Variants in LSAMP observed in about 807,000 individuals in gnomAD.
The protein encoded by LSAMP is limbic system-associated membrane protein.
In LSAMP, 7 loss-of-function variants were observed where a neutral mutation model predicts 38.6. The ratio of observed to expected loss-of-function variants is 0.18; its 90% CI spans 0.10 to 0.34. The LOEUF is 0.34. Ranked by LOEUF, LSAMP falls within the 10% of genes least tolerant of loss-of-function variation. The probability of loss-of-function intolerance (pLI) is 1.00; values close to 1 mark genes in which losing one functional copy is unlikely to be tolerated. For synonymous variants in LSAMP, 154 were observed against 166.8 expected, an observed-to-expected ratio of 0.92 and a Z score of 0.59; for missense variants, 313 against 420.0, an observed-to-expected ratio of 0.75 and a Z score of 2.23.
At chr3:116,314,233 C>T (rs2107720933) in intron 1 of LSAMP, among the ~76,000 whole-genome samples, 1 of 152,256 alleles carries the variant, frequency 6.6e-6, no homozygotes, top group South Asian at 2.1e-4. Context: ...ATTATATAAC[C>T]TGGATAATTT....
chr3:116,197,157 ACACACACT>A (rs1710905070), intron 1 of LSAMP, among the ~76,000 whole-genome samples: 3 of 150,528 alleles, frequency 2.0e-5, no homozygotes, highest in African/African-American at 2.5e-5. Context: ...ACACACACAC[ACACACACT>A]CTCTCTCTCT....
intron 3 of LSAMP, among the ~76,000 whole-genome samples, chr3:115,892,375 C>T (rs961640607): frequency 2.0e-5 from 3 of 151,966 alleles, no homozygotes; most frequent in African/African-American, 7.2e-5. Context: ...AGAATAGACT[C>T]TAAACATTGT....
rs906828137 is a variant in LSAMP at position 116,392,621 on chromosome 3, G to A, written c.155+52256C>T. Among the ~76,000 whole-genome samples, 22 of 152,218 alleles carry A rather than the reference G, an allele frequency of 1.4e-4. 1 individual carries two copies. Among genetic ancestry groups the A allele is most frequent in the African/African-American group, 4.6e-4 (19 of 41,462 alleles). On this transcript the variant is annotated intron_variant, in intron 1 of 6. Transcript: ENST00000490035. ...CAAGCAAGCTCCTGGGTGGAACCAGGTGGGTCCCTGGTGAAGCTCCACCTT... is the reference window on the plus strand; with the variant it reads ...CAAGCAAGCTCCTGGGTGGAACCAGATGGGTCCCTGGTGAAGCTCCACCTT...
chr3:115,958,305 A>G (rs1451627256), intron 3 of LSAMP, among the ~76,000 whole-genome samples: 3 of 152,242 alleles, frequency 2.0e-5, no homozygotes, highest in Non-Finnish European at 4.4e-5. Context: ...TAATTTTGAC[A>G]AATTTTCCAA....
At chr3:116,272,780 C>T (rs1395044378) in intron 1 of LSAMP, among the ~76,000 whole-genome samples, 2 of 152,054 alleles carry the variant, frequency 1.3e-5, no homozygotes, top group Non-Finnish European at 2.9e-5. Context: ...AAGTAAGTGG[C>T]AGAAAAGACT....
At chr3:116,309,673 A>G (rs762209027) in intron 1 of LSAMP, among the ~76,000 whole-genome samples, 2 of 152,056 alleles carry the variant, frequency 1.3e-5, no homozygotes, top group Admixed American at 1.3e-4. Context: ...GTGAAAGACA[A>G]CTCCACACAA....
intron 2 of LSAMP, among the ~76,000 whole-genome samples, chr3:116,045,846 A>T (rs13324008): frequency 0.022 from 3,398 of 152,324 alleles, 111 homozygotes; most frequent in African/African-American, 0.074. Context: ...ACTTTGCCCC[A>T]AAGAGATCAA....
chr3:116,090,588 G>A (rs1708099542), intron 1 of LSAMP, among the ~76,000 whole-genome samples: 1 of 152,184 alleles, frequency 6.6e-6, no homozygotes, highest in Non-Finnish European at 1.5e-5. Context: ...TGTTTCGGGG[G>A]ACCTGCCCCG....
At position 116,226,748 on chromosome 3, in the gene LSAMP, C is replaced by T. The variant is rs373012502; in HGVS notation, c.156-140192G>A. Reference sequence around the variant, plus strand: ...TTGTGTGTGTCGTGTAGACACGTCACAGTTAGGCTTCATAAAGTGCATGGC... The same window carrying T: ...TTGTGTGTGTCGTGTAGACACGTCATAGTTAGGCTTCATAAAGTGCATGGC... On this transcript the variant is annotated intron_variant, in intron 1 of 6. Coordinates refer to ENST00000490035, the MANE Select transcript of LSAMP (RefSeq NM_002338.5). Among the ~76,000 whole-genome samples, 8 of 152,304 alleles carry T rather than the reference C, an allele frequency of 5.3e-5. No individual in the cohort carries two copies. In the East Asian group the frequency reaches 1.4e-3, roughly 26 times the overall value.
Position 115,808,066 on chromosome 3 carries a change from C to T in LSAMP, c.*2251G>A, listed in dbSNP as rs900818701. The stretch of plus-strand genomic sequence containing the variant: ...AATGCTACTTAGATCTTTCTCCCTC[C>T]TGCCTTCCTTTCCTTTCTCCTTCCT... On this transcript the variant is annotated 3_prime_UTR_variant, in exon 7 of 7. Coordinates refer to ENST00000490035, the MANE Select transcript of LSAMP (RefSeq NM_002338.5). 2 of 150,152 alleles carry T rather than the reference C, an allele frequency of 1.3e-5. No individual in the cohort carries two copies. Among genetic ancestry groups the T allele is most frequent in the Non-Finnish European group, 3.0e-5 (2 of 67,560 alleles). 9.3% of individuals were successfully genotyped at this position (150,152 alleles called of 1,614,324 possible).
chr3:116,296,253 G>A (rs147006159), intron 1 of LSAMP, among the ~76,000 whole-genome samples: 13 of 152,188 alleles, frequency 8.5e-5, no homozygotes, highest in African/African-American at 3.1e-4. Context: ...AACCCCAAAG[G>A]CTTTATTTTA....
chr3:116,195,747 C>A (rs1388378142), intron 1 of LSAMP, among the ~76,000 whole-genome samples: 1 of 150,414 alleles, frequency 6.6e-6, no homozygotes, highest in Admixed American at 6.6e-5. Context: ...AAGGAAAAGT[C>A]TCTTCATAAA....
chr3:116,444,805 C>CACAA lies in LSAMP; in HGVS notation c.155+71_155+72insTTGT, dbSNP rs1330830736. On this transcript the variant is annotated intron_variant, in intron 1 of 6. Coordinates refer to ENST00000490035, the MANE Select transcript of LSAMP (RefSeq NM_002338.5). ...GAGATCAGACACACACACACACACA[C>CACAA]ACACAAACACACACACACACACACA... 3.9e-5 allele frequency: 54 copies of CACAA among 1,401,468 alleles called. No individual in the cohort carries two copies. In the African/African-American group the frequency reaches 4.9e-4, roughly 13 times the overall value. The allele number at this position is 1,401,468 out of a possible 1,614,324, so 86.8% of individuals were successfully genotyped here.
At chr3:115,920,657 TGTATTCTGTTGCTGTTGGGTGGG>T (rs1295072903) in intron 3 of LSAMP, among the ~76,000 whole-genome samples, 1 of 152,150 alleles carries the variant, frequency 6.6e-6, no homozygotes, top group African/African-American at 2.4e-5. Flanking sequence ...GAAAAGAATG[TGTATTCTGTTGCTGTTGGGTGGG>T]GTATTCTGTA....
chr3:116,443,517 A>G lies in LSAMP; in HGVS notation c.155+1360T>C, dbSNP rs979840902. Among the ~76,000 whole-genome samples, 3 of 152,270 alleles carry G rather than the reference A, an allele frequency of 2.0e-5. No individual in the cohort carries two copies. In the East Asian group the frequency reaches 5.8e-4, roughly 29 times the overall value. On this transcript the variant is annotated intron_variant, in intron 1 of 6. Transcript: ENST00000490035. ...CACACAACACACACTTTCGTCTCTA[A>G]CAAGGCTAGAGCTCCCAAAGCAGGA... is the stretch of plus-strand genomic sequence containing the variant.
chr3:116,290,010 C>T (rs1576485655), intron 1 of LSAMP, among the ~76,000 whole-genome samples: 1 of 152,232 alleles, frequency 6.6e-6, no homozygotes, highest in East Asian at 1.9e-4. Context: ...CTGGCTTATC[C>T]TCTTATATTT....
intron 1 of LSAMP, among the ~76,000 whole-genome samples, chr3:116,433,638 T>G (rs936715904): frequency 9.2e-5 from 14 of 152,334 alleles, no homozygotes; most frequent in African/African-American, 3.1e-4. Flanking sequence ...GATATGCACA[T>G]TGCCTCATTT....
intron 1 of LSAMP, among the ~76,000 whole-genome samples, chr3:116,395,237 G>T (rs537469050): frequency 4.6e-5 from 7 of 152,222 alleles, no homozygotes; most frequent in African/African-American, 1.7e-4. Context: ...CCACCATAAA[G>T]CTTTCTCTGC....
intron 3 of LSAMP, among the ~76,000 whole-genome samples, chr3:115,877,264 T>TC (rs397972167): frequency 6.6e-6 from 1 of 151,926 alleles, no homozygotes; most frequent in Non-Finnish European, 1.5e-5. Flanking sequence ...GTTTTTTTTT[T>TC]CTCCTTCCTG....
Sources: allele counts gnomAD v4.1 joint callset (sites outside exome capture counted in the v4.1 genomes callset), GRCh38; gene constraint gnomAD v4.1.1; transcripts MANE v1.5; gene names NCBI Gene and HGNC (gene_info 2026-07-23, HGNC 2026-07-21).